WDR7: variants seen among roughly 807,000 people sequenced by gnomAD.
WDR7 encodes the protein WD repeat domain 7, also known as WD repeat-containing protein 7.
WDR7 carries 46 observed loss-of-function variants against 169.4 expected under a neutral mutation model. The ratio of observed to expected loss-of-function variants is 0.27; its 90% CI spans 0.21 to 0.35. The LOEUF is 0.35. WDR7 is among the 10% of genes least tolerant of loss of function. The pLI, the probability that WDR7 is intolerant of heterozygous loss-of-function variation, is 1.00. For synonymous variants in WDR7, 612 were observed against 666.8 expected (o/e 0.92, Z 1.27); for missense variants, 1,534 against 1,859.3 (o/e 0.83, Z 3.22).
rs71171005 is a variant in WDR7 at position 56,906,544 on chromosome 18, C to CT, written c.3527-17362dup. Among the ~76,000 whole-genome samples, 418 of 119,428 alleles carry CT rather than the reference C, an allele frequency of 3.5e-3. 1 individual carries two copies. Among genetic ancestry groups the CT allele is most frequent in the African/African-American group, 0.01 (343 of 33,290 alleles). The allele number at this position is 119,428 out of a possible 152,430, so 78.3% of individuals were successfully genotyped here. On this transcript the variant is annotated intron_variant, in intron 21 of 27. Transcript: ENST00000254442. ...TTTCTTTTTCTTTCTTTCTTTCCTT[C>CT]TTTTTTTTTTTTTTTTGAGATGGAA...
At chr18:56,687,335 T>G (rs1598961849) in intron 7 of WDR7, among the ~76,000 whole-genome samples, 1 of 152,238 alleles carries the variant, frequency 6.6e-6, no homozygotes, top group African/African-American at 2.4e-5. Context: ...ATATTTTCCC[T>G]GGCTTCTTGC....
chr18:56,810,592 T>A (rs1463480887), intron 19 of WDR7, among the ~76,000 whole-genome samples: 1 of 152,138 alleles, frequency 6.6e-6, no homozygotes, highest in Non-Finnish European at 1.5e-5. Context: ...AAATTATGCC[T>A]TTCTGAAACA....
intron 1 of WDR7, among the ~76,000 whole-genome samples, chr18:56,665,471 T>C (rs1351807519): frequency 8.5e-6 from 1 of 117,226 alleles, no homozygotes; most frequent in Non-Finnish European, 1.8e-5. Context: ...CTCTTCCTAG[T>C]CTTCCTCTTA....
chr18:56,734,938 A>G (rs554645322), intron 14 of WDR7, among the ~76,000 whole-genome samples: 1 of 152,298 alleles, frequency 6.6e-6, no homozygotes, highest in South Asian at 2.1e-4. Context: ...GCAATTTAGT[A>G]GGAAGTTAGT....
At chr18:56,694,497 A>G (rs772258798) in intron 9 of WDR7, 122 bp from the exon 10 acceptor site, 2 of 881,886 alleles carry the variant, frequency 2.3e-6, no homozygotes, top group Non-Finnish European at 3.4e-6. Context: ...ATCATGCTAT[A>G]AACACTTTTT....
At chr18:56,931,461 T>A (rs2046883124) in intron 22 of WDR7, among the ~76,000 whole-genome samples, 1 of 152,248 alleles carries the variant, frequency 6.6e-6, no homozygotes, top group South Asian at 2.1e-4. Flanking sequence ...AATAGCTAGC[T>A]TAAATGATTT....
intron 26 of WDR7, among the ~76,000 whole-genome samples, chr18:56,979,360 A>C (rs746090891): frequency 4.6e-5 from 7 of 152,126 alleles, no homozygotes; most frequent in Non-Finnish European, 7.4e-5. Context: ...CATTATGCTA[A>C]ACCACCCAGC....
chr18:56,775,709 G>A (rs1002341217), intron 16 of WDR7, among the ~76,000 whole-genome samples: 7 of 151,980 alleles, frequency 4.6e-5, no homozygotes, highest in East Asian at 1.9e-4. Context: ...ACTTCTTTTC[G>A]TTCTACTGTT....
At chr18:56,840,053 T>G (rs2045457756) in intron 20 of WDR7, among the ~76,000 whole-genome samples, 1 of 151,854 alleles carries the variant, frequency 6.6e-6, no homozygotes, top group Non-Finnish European at 1.5e-5. Flanking sequence ...CAGTGTGAGA[T>G]TCCATCTCAA....
intron 12 of WDR7, among the ~76,000 whole-genome samples, chr18:56,717,717 C>T (rs1420899817): frequency 6.6e-6 from 1 of 152,174 alleles, no homozygotes; most frequent in Non-Finnish European, 1.5e-5. Flanking sequence ...TAAATTTGAA[C>T]AGCAGTTTTT....
chr18:56,791,896 A>G (rs2044490386), intron 19 of WDR7, among the ~76,000 whole-genome samples: 1 of 152,168 alleles, frequency 6.6e-6, no homozygotes, highest in Non-Finnish European at 1.5e-5. Flanking sequence ...GTTTCAAAAG[A>G]CGATTCTTGT....
In WDR7 at chr18:56,890,374, A is replaced by G. The variant is rs193164770; in HGVS notation, c.3526+10209A>G. ...CTTTTTAATCATGCATATTTTATTT[A>G]ATGAATAGGTTAATATAGGTTGAGA... On this transcript the variant is annotated intron_variant, in intron 21 of 27. Coordinates refer to ENST00000254442, the MANE Select transcript of WDR7 (RefSeq NM_015285.3). Among the ~76,000 whole-genome samples the G allele has an allele frequency of 2.6e-5, 4 of 152,274 alleles. No individual in the cohort carries two copies. The East Asian group carries it at 7.7e-4, about 29-fold the overall frequency.
chr18:56,740,852 C>T (rs1388820927), intron 14 of WDR7, among the ~76,000 whole-genome samples: 2 of 152,140 alleles, frequency 1.3e-5, no homozygotes, highest in Non-Finnish European at 2.9e-5. Flanking sequence ...CCTGTGTCAG[C>T]TTCTGTTTTC....
intron 20 of WDR7, among the ~76,000 whole-genome samples, chr18:56,872,465 A>G (rs910852386): frequency 6.6e-6 from 1 of 152,178 alleles, no homozygotes; most frequent in Non-Finnish European, 1.5e-5. Flanking sequence ...GTTTGTGTAA[A>G]TCTAGAGTCA....
At chr18:56,959,816 G>A (rs2047313669) in intron 25 of WDR7, among the ~76,000 whole-genome samples, 1 of 152,086 alleles carries the variant, frequency 6.6e-6, no homozygotes. Context: ...CCTTCGTCTT[G>A]ACAGACCTTA....
chr18:56,987,150 G>T (rs1020879151), intron 26 of WDR7, among the ~76,000 whole-genome samples: 2 of 151,962 alleles, frequency 1.3e-5, no homozygotes, highest in Non-Finnish European at 2.9e-5. Flanking sequence ...ATAGCATGAG[G>T]TTTGTGTTCC....
In WDR7 at chr18:56,744,156, G is replaced by A. The variant is rs556008725; in HGVS notation, c.1990-12427G>A. Reference sequence around the variant, plus strand: ...CGGGAGGCTGAGGCAGGAGAATGGCGTGAACCCGGGAGGCGGAGCTTGCAG... The same window carrying A: ...CGGGAGGCTGAGGCAGGAGAATGGCATGAACCCGGGAGGCGGAGCTTGCAG... On this transcript the variant is annotated intron_variant, in intron 14 of 27. Transcript: ENST00000254442. 4.0e-5 allele frequency among the ~76,000 whole-genome samples: 6 copies of A among 150,912 alleles called. No homozygotes were observed. In the East Asian group the frequency reaches 7.9e-4, roughly 20 times the overall value.
chr18:56,932,597 CAGA>C (rs2046901680), intron 22 of WDR7, among the ~76,000 whole-genome samples: 5 of 152,228 alleles, frequency 3.3e-5, no homozygotes, highest in Admixed American at 3.3e-4. Context: ...CGTCTTTGGT[CAGA>C]AGAAGCATTT....
At chr18:57,002,578 A>G (rs953033765) in intron 26 of WDR7, among the ~76,000 whole-genome samples, 9 of 152,304 alleles carry the variant, frequency 5.9e-5, no homozygotes, top group African/African-American at 1.4e-4. Flanking sequence ...CTATAAGCGA[A>G]AAGAGACTAA....
Sources: gnomAD v4.1 joint callset for allele counts (sites outside exome capture counted in the v4.1 genomes callset) on GRCh38, gnomAD v4.1.1 for gene constraint, MANE v1.5 for transcripts, NCBI Gene and HGNC (gene_info 2026-07-23, HGNC 2026-07-21) for gene names.